CDKN2B-AS1: variants seen among roughly 807,000 people sequenced by gnomAD.
CDKN2B-AS1 encodes the protein CDKN2B antisense RNA 1 (non-protein coding).
intron 4 of CDKN2B-AS1, among the ~76,000 whole-genome samples, chr9:22,095,552 A>G (rs1431968984): frequency 6.6e-6 from 1 of 151,058 alleles, no homozygotes; most frequent in Non-Finnish European, 1.5e-5. Flanking sequence ...TTCTGAGAAG[A>G]ATGTATATTC....
intron 1 of CDKN2B-AS1, among the ~76,000 whole-genome samples, chr9:22,023,799 T>C (rs1018586218): frequency 1.3e-5 from 2 of 152,194 alleles, no homozygotes; most frequent in African/African-American, 4.8e-5. Context: ...AGTTACATTC[T>C]TCTGTATTCT....
At position 22,127,495 on chromosome 9, in the gene CDKN2B-AS1, C is replaced by A. The variant is rs116736177; in HGVS notation, n.831C>A. ...CTTTCTCACAGCTGGTGAATTAGAA[C>A]GATAGTGAGCTTACAAGAGCTTTAA... On this transcript the variant is annotated non_coding_transcript_exon_variant, in exon 5 of 5. Transcript: ENST00000650946. Among the ~76,000 whole-genome samples the A allele has an allele frequency of 2.1e-4, 32 of 152,232 alleles. No individual in the cohort carries two copies. In the East Asian group the frequency reaches 4.8e-3, roughly 23 times the overall value.
chr9:22,033,558 A>G lies in CDKN2B-AS1; in HGVS notation n.30-13193A>G, dbSNP rs554643316. On this transcript the variant is annotated intron_variant and non_coding_transcript_variant, in intron 1 of 4. Coordinates refer to ENST00000650946, the Ensembl canonical transcript of CDKN2B-AS1. ...CTCATAATTAAAAACAAGGCTGTCT[A>G]TAAAGCATAACATATAATAACAATT... Among the ~76,000 whole-genome samples the G allele has an allele frequency of 2.0e-5, 3 of 152,326 alleles. No individual in the cohort carries two copies. In the South Asian group the frequency reaches 6.2e-4, roughly 32 times the overall value.
chr9:22,018,531 C>T (rs935253029), intron 1 of CDKN2B-AS1, among the ~76,000 whole-genome samples: 5 of 152,038 alleles, frequency 3.3e-5, no homozygotes, highest in Admixed American at 6.6e-5. Flanking sequence ...GTGGTGGGCT[C>T]CTGTAATCCC....
intron 1 of CDKN2B-AS1, among the ~76,000 whole-genome samples, chr9:22,020,196 A>G (rs1459756889): frequency 1.3e-5 from 2 of 152,178 alleles, no homozygotes; most frequent in African/African-American, 4.8e-5. Context: ...CTGCAAAAGG[A>G]CATGCTATTG....
chr9:22,016,508 G>T (rs1821766517), intron 1 of CDKN2B-AS1, among the ~76,000 whole-genome samples: 2 of 152,180 alleles, frequency 1.3e-5, no homozygotes, highest in Admixed American at 1.3e-4. Flanking sequence ...TAAGCCAAAA[G>T]AACAAAGCTG....
intron 4 of CDKN2B-AS1, among the ~76,000 whole-genome samples, chr9:22,106,807 A>G (rs1825672187): frequency 6.6e-6 from 1 of 152,202 alleles, no homozygotes; most frequent in African/African-American, 2.4e-5. Flanking sequence ...AAAACTAAAT[A>G]CAGTGCTAAA....
intron 1 of CDKN2B-AS1, chr9:22,004,647 A>T (rs1045279033): frequency 4.3e-6 from 1 of 232,630 alleles, no homozygotes; most frequent in Non-Finnish European, 8.5e-6. Flanking sequence ...CTGGAAATTA[A>T]ATCCCAAAGC....
At chr9:22,008,508 A>C (rs932976985) in intron 1 of CDKN2B-AS1, among the ~76,000 whole-genome samples, 1 of 152,144 alleles carries the variant, frequency 6.6e-6, no homozygotes, top group African/African-American at 2.4e-5. Context: ...TTCCCTAAAT[A>C]AGCTTTCCTT....
At position 21,997,550 on chromosome 9, in the gene CDKN2B-AS1, A is replaced by G. The variant is rs1312990406; in HGVS notation, n.29+2389A>G. Among the ~76,000 whole-genome samples, 2 of 152,010 alleles carry G rather than the reference A, an allele frequency of 1.3e-5. No individual in the cohort carries two copies. The highest frequency in any genetic ancestry group is 2.9e-5 in the Non-Finnish European group (2 of 67,988). On this transcript the variant is annotated intron_variant and non_coding_transcript_variant, in intron 1 of 4. Transcript: ENST00000650946. The surrounding 1 kb of genome is among the most constrained non-coding windows in gnomAD (Gnocchi z 4.8). ...TTATTTTAAGGAATTGTCTCAGAAA[A>G]TGGTGGGGGTTGACAAATTGGAGAC...
intron 1 of CDKN2B-AS1, among the ~76,000 whole-genome samples, chr9:22,026,074 G>A (rs529770889): frequency 2.6e-5 from 4 of 151,940 alleles, no homozygotes; most frequent in East Asian, 1.9e-4. Flanking sequence ...GATGAGGAAC[G>A]GGATTGGGGA....
intron 4 of CDKN2B-AS1, among the ~76,000 whole-genome samples, chr9:22,111,131 G>A (rs1364081997): frequency 1.3e-5 from 2 of 151,868 alleles, no homozygotes; most frequent in African/African-American, 4.8e-5. Context: ...TTGCTGTTAT[G>A]AACAATGTGG....
chr9:22,063,885 T>A (rs564798040), intron 4 of CDKN2B-AS1: 3 of 152,238 alleles, frequency 2.0e-5, no homozygotes, highest in Non-Finnish European at 2.9e-5. Context: ...TGATATTGGG[T>A]GTGGAGCTAT....
intron 1 of CDKN2B-AS1, among the ~76,000 whole-genome samples, chr9:22,021,878 G>C (rs1163243123): frequency 6.6e-6 from 1 of 152,094 alleles, no homozygotes; most frequent in Non-Finnish European, 1.5e-5. Context: ...TAGTTTCAAA[G>C]AACTTCTTGA....
intron 1 of CDKN2B-AS1, chr9:22,008,880 C>A: frequency 6.2e-7 from 1 of 1,612,432 alleles, no homozygotes; most frequent in Non-Finnish European, 8.5e-7. Flanking sequence ...CTCCACTAGT[C>A]CCCGCGCCGC....
intron 1 of CDKN2B-AS1, among the ~76,000 whole-genome samples, chr9:22,010,002 A>G (rs1333890348): frequency 6.6e-6 from 1 of 152,164 alleles, no homozygotes; most frequent in African/African-American, 2.4e-5. Flanking sequence ...AAAAAATTAT[A>G]CTTTAAGAAT....
intron 2 of CDKN2B-AS1, among the ~76,000 whole-genome samples, chr9:22,047,720 C>T (rs1823167348): frequency 6.6e-6 from 1 of 152,062 alleles, no homozygotes; most frequent in Admixed American, 6.6e-5. Context: ...TAAATATTTT[C>T]CCTTTAAGGA....
chr9:22,008,883 C>T lies in CDKN2B-AS1; in HGVS notation n.29+13722C>T. The T allele has an allele frequency of 2.5e-6, 4 of 1,612,482 alleles. No individual in the cohort carries two copies. The highest frequency in any genetic ancestry group is 1.7e-4 in the Middle Eastern group (1 of 6,058). On this transcript the variant is annotated intron_variant and non_coding_transcript_variant, in intron 1 of 4. Transcript: ENST00000650946. Reference sequence around the variant, plus strand: ...CTGTCGCACCTTCTCCACTAGTCCCCGCGCCGCGGCGCTGGCCAGACCCTC... The same window carrying T: ...CTGTCGCACCTTCTCCACTAGTCCCTGCGCCGCGGCGCTGGCCAGACCCTC...
intron 4 of CDKN2B-AS1, among the ~76,000 whole-genome samples, chr9:22,101,880 G>T (rs1354681161): frequency 6.6e-6 from 1 of 152,260 alleles, no homozygotes; most frequent in East Asian, 1.9e-4. Context: ...AGCAGACTGG[G>T]TTTTGAAGGA....
Sources: gnomAD v4.1 joint callset for allele counts (sites outside exome capture counted in the v4.1 genomes callset) on GRCh38, gnomAD v4.1.1 for gene constraint, Gnocchi (gnomAD v3.1) non-coding constraint, MANE v1.5 for transcripts, NCBI Gene and HGNC (gene_info 2026-07-23, HGNC 2026-07-21) for gene names.